Variants in RIMBP2 observed in about 807,000 individuals in gnomAD.
RIMBP2 encodes RIMS-binding protein 2.
A neutral mutation model predicts 118.6 loss-of-function variants in RIMBP2; 48 were observed. That is an observed-to-expected ratio of 0.40 (90% CI 0.32 to 0.51). The LOEUF (loss-of-function observed/expected upper bound fraction) is 0.51. Among genes scored for constraint, RIMBP2 ranks in the 20% least tolerant of loss-of-function variants. RIMBP2 has a pLI of 0.41. For missense variants in RIMBP2, 1,551 were observed against 1,768.3 expected, an observed-to-expected ratio of 0.88 and a Z score of 2.20; for synonymous variants, 762 against 742.9, an observed-to-expected ratio of 1.03 and a Z score of -0.42.
intron 2 of RIMBP2, among the ~76,000 whole-genome samples, chr12:130,544,763 C>T (rs975297530): frequency 3.3e-5 from 5 of 151,982 alleles, no homozygotes; most frequent in Non-Finnish European, 5.9e-5. Context: ...CCACACCCCG[C>T]TATTTTTTTA....
intron 2 of RIMBP2, among the ~76,000 whole-genome samples, chr12:130,572,781 C>T (rs532669017): frequency 7.9e-5 from 12 of 151,992 alleles, no homozygotes; most frequent in Non-Finnish European, 1.3e-4. Context: ...ACACAGCCAG[C>T]GCGTGTGCAG....
At chr12:130,668,629 C>G (rs2064056857) in intron 1 of RIMBP2, 1 of 152,324 alleles carries the variant, frequency 6.6e-6, no homozygotes, top group African/African-American at 2.4e-5. Flanking sequence ...CAGCAGCTCT[C>G]ATTAACAGCT....
At position 130,683,926 on chromosome 12, in the gene RIMBP2, T is replaced by C. The variant is rs1450153180; in HGVS notation, c.-352+32296A>G. On this transcript the variant is annotated intron_variant, in intron 1 of 22. Transcript: ENST00000690449. This position sits in a 1 kb window ranked among gnomAD's most constrained non-coding sequence, Gnocchi z 4.4. ...CCTTTACTTTCCTAATAAATTTGCT[T>C]TCACCTTACAGACTCACGCTGAATT... Among the ~76,000 whole-genome samples the C allele has an allele frequency of 6.6e-6, 1 of 152,176 alleles. No homozygotes were observed. The highest frequency in any genetic ancestry group is 1.5e-5 in the Non-Finnish European group (1 of 68,038).
rs1163009984 is a variant in RIMBP2 at position 130,620,226 on chromosome 12, T to C, written c.-217+8096A>G. 6.6e-6 allele frequency among the ~76,000 whole-genome samples: 1 copy of C among 151,794 alleles called. No homozygotes were observed. Among genetic ancestry groups the C allele is most frequent in the African/African-American group, 2.4e-5 (1 of 41,294 alleles). Reference sequence around the variant, plus strand: ...GAAGTGGTGGCAGTTAAACAATCAGTCCCCTGAATTTAAATCTTGAGCAGA... The same window carrying C: ...GAAGTGGTGGCAGTTAAACAATCAGCCCCCTGAATTTAAATCTTGAGCAGA... On this transcript the variant is annotated intron_variant, in intron 2 of 22. Coordinates refer to ENST00000690449, the MANE Select transcript of RIMBP2 (RefSeq NM_001393629.1). The surrounding 1 kb of genome is among the most constrained non-coding windows in gnomAD (Gnocchi z 5.3).
At chr12:130,545,764 C>T (rs1317699254) in intron 2 of RIMBP2, among the ~76,000 whole-genome samples, 4 of 152,214 alleles carry the variant, frequency 2.6e-5, no homozygotes, top group Non-Finnish European at 5.9e-5. Context: ...GTCAAATCTC[C>T]ATCTCCGCCA....
At chr12:130,583,845 TACC>T (rs1371992222) in intron 2 of RIMBP2, among the ~76,000 whole-genome samples, 2 of 90,020 alleles carry the variant, frequency 2.2e-5, no homozygotes, top group Non-Finnish European at 4.3e-5. Context: ...TCATCACCAT[TACC>T]ACCATTACAC....
At chr12:130,510,458 C>T (rs2050797047) in intron 3 of RIMBP2, among the ~76,000 whole-genome samples, 1 of 151,818 alleles carries the variant, frequency 6.6e-6, no homozygotes, top group South Asian at 2.1e-4. Flanking sequence ...TCGGGGCAAG[C>T]CAATGACATT....
rs1182517793 is a variant in RIMBP2, at chr12:130,683,341, G to A, written c.-352+32881C>T. Among the ~76,000 whole-genome samples the A allele has an allele frequency of 6.6e-6, 1 of 152,250 alleles. No homozygotes were observed. Among genetic ancestry groups the A allele is most frequent in the African/African-American group, 2.4e-5 (1 of 41,466 alleles). ...CCACAGAGCCTCCAGGGGGAAGGCA[G>A]CTCTGCGGACACCCTGACCTCAGGC... On this transcript the variant is annotated intron_variant, in intron 1 of 22. Coordinates refer to ENST00000690449, the MANE Select transcript of RIMBP2 (RefSeq NM_001393629.1). The surrounding 1 kb of genome is among the most constrained non-coding windows in gnomAD (Gnocchi z 4.4).
intron 1 of RIMBP2, among the ~76,000 whole-genome samples, chr12:130,640,930 C>G (rs2062587853): frequency 6.6e-6 from 1 of 152,196 alleles, no homozygotes; most frequent in Non-Finnish European, 1.5e-5. Flanking sequence ...AAATTGATAA[C>G]TTTAATACTA....
At chr12:130,601,297 T>A (rs2059862046) in intron 2 of RIMBP2, among the ~76,000 whole-genome samples, 1 of 124,278 alleles carries the variant, frequency 8.0e-6, no homozygotes, top group African/African-American at 3.1e-5. Flanking sequence ...AGCCACGGGC[T>A]GCTCACCCAC....
At chr12:130,438,335 A>AGGGGGGGGGGCCCC in intron 12 of RIMBP2, 30 bp downstream of exon 12, 1 of 865,014 alleles carries the variant, frequency 1.2e-6, no homozygotes, top group Non-Finnish European at 1.9e-6. Flanking sequence ...GGCCTAACAA[A>AGGGGGGGGGGCCCC]CCCTCCCCAC....
chr12:130,481,657 CG>C (rs2082020298), intron 4 of RIMBP2, among the ~76,000 whole-genome samples: 1 of 152,214 alleles, frequency 6.6e-6, no homozygotes, highest in Admixed American at 6.5e-5. Flanking sequence ...CCATGAAACA[CG>C]GGTGTCGCGG....
rs1278832936 is a variant in RIMBP2, at chr12:130,482,392, T to C, written c.-3-3376A>G. Among the ~76,000 whole-genome samples the C allele has an allele frequency of 2.6e-5, 4 of 151,612 alleles. No homozygotes were observed. The East Asian group carries it at 7.8e-4, about 29-fold the overall frequency. ...GTCTTCATGAGAGAACACCCCAGAGTGGGGGCACAGTGTGAAGGCAGATCG... is the reference window on the plus strand; with the variant it reads ...GTCTTCATGAGAGAACACCCCAGAGCGGGGGCACAGTGTGAAGGCAGATCG... On this transcript the variant is annotated intron_variant, in intron 4 of 22. Coordinates refer to ENST00000690449, the MANE Select transcript of RIMBP2 (RefSeq NM_001393629.1).
intron 7 of RIMBP2, among the ~76,000 whole-genome samples, chr12:130,453,221 C>T (rs967271535): frequency 1.3e-5 from 2 of 152,226 alleles, no homozygotes; most frequent in Non-Finnish European, 2.9e-5. Context: ...CCATGAGCAA[C>T]GCCTGCCCTC....
At chr12:130,489,723 T>G (rs189501793) in intron 4 of RIMBP2, among the ~76,000 whole-genome samples, 1 of 152,226 alleles carries the variant, frequency 6.6e-6, no homozygotes, top group African/African-American at 2.4e-5. Flanking sequence ...CACAATCCCC[T>G]GTATTAATGT....
chr12:130,484,236 T>C (rs1157344770), intron 4 of RIMBP2, among the ~76,000 whole-genome samples: 1 of 152,144 alleles, frequency 6.6e-6, no homozygotes, highest in Non-Finnish European at 1.5e-5. Context: ...GACTGCCTCT[T>C]GCCTCCTGAT....
chr12:130,602,098 A>C (rs1160921137), intron 2 of RIMBP2, among the ~76,000 whole-genome samples: 2 of 152,238 alleles, frequency 1.3e-5, no homozygotes, highest in African/African-American at 4.8e-5. Flanking sequence ...CTGGAGTTCA[A>C]AACCAGTCTG....
intron 1 of RIMBP2, among the ~76,000 whole-genome samples, chr12:130,696,223 G>A (rs1194295612): frequency 6.6e-6 from 1 of 152,210 alleles, no homozygotes; most frequent in East Asian, 1.9e-4. Flanking sequence ...ACCTTACTGG[G>A]AGTGCAGAAG....
Position 130,434,745 on chromosome 12 carries a change from G to C in RIMBP2, c.2242C>G (p.Leu748Val). ...CGGCCCGCTCTCACCTGCTTGCCAAGTTCAGAGCCTTTCAGGAAGTCGTCC... is the reference window on the plus strand; with the variant it reads ...CGGCCCGCTCTCACCTGCTTGCCAACTTCAGAGCCTTTCAGGAAGTCGTCC... The part of the protein sequence containing the change: ...SVDDFLKGSE[L>V]GKQPHCCHGD... The change falls in exon 14 of 23, where the codon CTT becomes GTT. Residue 748 changes from leucine to valine, a missense_variant. Physicochemically the swap from Leu to Val is conservative, Grantham distance 32. Transcript: ENST00000690449. This position sits in a 1 kb window ranked among gnomAD's most constrained non-coding sequence, Gnocchi z 5.7. 8.7e-6 allele frequency: 14 copies of C among 1,613,096 alleles called. No homozygotes were observed. Among genetic ancestry groups the C allele is most frequent in the Non-Finnish European group, 1.2e-5 (14 of 1,179,888 alleles).
Sources: gnomAD v4.1 joint callset for allele counts (sites outside exome capture counted in the v4.1 genomes callset) on GRCh38, gnomAD v4.1.1 for gene constraint, Gnocchi (gnomAD v3.1) non-coding constraint, MANE v1.5 for transcripts, NCBI Gene and HGNC (gene_info 2026-07-23, HGNC 2026-07-21) for gene names.